ZNF106: variants seen among roughly 807,000 people sequenced by gnomAD.
ZNF106 encodes the protein zinc finger protein 106.
Under a neutral mutation model 195.1 loss-of-function variants are expected in ZNF106, and 67 were observed. The observed-to-expected ratio is 0.34, with a 90% CI of 0.28 to 0.42. The LOEUF is 0.42. Among genes scored for constraint, ZNF106 ranks in the 10% least tolerant of loss-of-function variants. The pLI, the probability that ZNF106 is intolerant of heterozygous loss-of-function variation, is 1.00. For synonymous variants in ZNF106, 784 were observed against 818.6 expected (o/e 0.96, Z 0.72); for missense variants, 2,118 against 2,304.5 (o/e 0.92, Z 1.66).
intron 10 of ZNF106, among the ~76,000 whole-genome samples, chr15:42,440,775 G>T (rs1409554966): frequency 6.6e-6 from 1 of 151,220 alleles, no homozygotes; most frequent in Non-Finnish European, 1.5e-5. Flanking sequence ...TTGAGGTCAG[G>T]AGTTCAAGAC....
Position 42,450,817 on chromosome 15 carries a change from T to C in ZNF106, c.1455A>G (p.Ser485=), listed in dbSNP as rs1367009851. The C allele has an allele frequency of 4.3e-6, 7 of 1,614,186 alleles. No individual in the cohort carries two copies. Among genetic ancestry groups the C allele is most frequent in the Non-Finnish European group, 5.9e-6 (7 of 1,180,042 alleles). The change falls in exon 5 of 22, where the codon TCA becomes TCG. Residue 485 remains serine (S), a synonymous_variant. Transcript: ENST00000564754. Reference sequence around the variant, plus strand: ...TCTTTGGATCTTGCTTTTGAGACAATGATTTAGTGGCTGGACATGGAAGGA... The same window carrying C: ...TCTTTGGATCTTGCTTTTGAGACAACGATTTAGTGGCTGGACATGGAAGGA... ...SPLLPCPATK[S]LSQKQDPKNI...
chr15:42,424,126 T>C, intron 16 of ZNF106, 66 bp from the exon 17 acceptor site: 1 of 1,373,496 alleles, frequency 7.3e-7, no homozygotes, highest in Non-Finnish European at 1.0e-6. Flanking sequence ...TAACTTGTAA[T>C]ACACATTGGC....
At chr15:42,433,251 G>T (rs920915121) in intron 14 of ZNF106, among the ~76,000 whole-genome samples, 1 of 151,526 alleles carries the variant, frequency 6.6e-6, no homozygotes, top group Non-Finnish European at 1.5e-5. Flanking sequence ...GACTACAGGC[G>T]CCTGCCACCA....
chr15:42,439,588 C>G lies in ZNF106; in HGVS notation c.3989G>C (p.Cys1330Ser). ...AGACAATCTTAGAAAAGAACTGGTA[C>G]AGGCTTCAGACCCACTATTGCCTTT... ...PTKGNSGSEA[C>S]TSSFLRLSFA... Residue 1330 changes from cysteine to serine, a missense_variant, in exon 11 of 22, where the codon TGT (cysteine) becomes TCT (serine). By Grantham distance (112) the Cys-to-Ser change is moderately radical. Coordinates refer to ENST00000564754, the MANE Select transcript of ZNF106 (RefSeq NM_001366845.3). 1 of 1,614,198 alleles carries G rather than the reference C, an allele frequency of 6.2e-7. No individual in the cohort carries two copies. Among genetic ancestry groups the G allele is most frequent in the African/African-American group, 1.3e-5 (1 of 75,052 alleles).
intron 14 of ZNF106, among the ~76,000 whole-genome samples, chr15:42,431,192 TGTC>T (rs1485156837): frequency 3.9e-5 from 6 of 152,010 alleles, no homozygotes; most frequent in Admixed American, 6.6e-5. Context: ...TTCTAATAAA[TGTC>T]ATTGTGGTTA....
rs754168534 is a variant in ZNF106 at position 42,415,496 on chromosome 15, C to T, written c.*1808G>A. 4.6e-5 allele frequency: 21 copies of T among 455,394 alleles called. No individual in the cohort carries two copies. Among genetic ancestry groups the T allele is most frequent in the South Asian group, 3.3e-4 (21 of 64,444 alleles). 28.2% of individuals were successfully genotyped at this position (455,394 alleles called of 1,614,324 possible). A position where few individuals can be genotyped will look rare whatever the true frequency, so the allele number is the denominator to read the frequency against. On this transcript the variant is annotated 3_prime_UTR_variant, in exon 22 of 22. Transcript: ENST00000564754. Reference sequence around the variant, plus strand: ...CCTTTCCTGGAAAAAAGAACACATACTCAGTCTCACACACAATTTCTGGGG... The same window carrying T: ...CCTTTCCTGGAAAAAAGAACACATATTCAGTCTCACACACAATTTCTGGGG...
intron 1 of ZNF106, among the ~76,000 whole-genome samples, chr15:42,478,198 C>G (rs2056825071): frequency 6.6e-6 from 1 of 152,164 alleles, no homozygotes; most frequent in Admixed American, 6.6e-5. Flanking sequence ...GAGTCTCACT[C>G]TGTTGTCCAG....
At chr15:42,435,648 T>C (rs2055246788) in intron 13 of ZNF106, 130 bp from the exon 14 acceptor site, 2 of 1,082,712 alleles carry the variant, frequency 1.8e-6, no homozygotes, top group Admixed American at 4.4e-5. Flanking sequence ...CAGCACCTGG[T>C]ACACAAAAGA....
At chr15:42,440,381 A>G (rs1172760508) in intron 10 of ZNF106, among the ~76,000 whole-genome samples, 1 of 152,070 alleles carries the variant, frequency 6.6e-6, no homozygotes, top group East Asian at 1.9e-4. Flanking sequence ...TAAATATTCA[A>G]AAAAGATTCA....
intron 1 of ZNF106, among the ~76,000 whole-genome samples, chr15:42,486,788 T>TTTTA (rs148046179): frequency 1.2e-3 from 177 of 151,740 alleles, no homozygotes; most frequent in South Asian, 5.2e-3. Context: ...TGAGGACTTG[T>TTTTA]TATATATATA....
At chr15:42,421,776 G>A (rs1296384082) in intron 19 of ZNF106, 141 bp downstream of exon 19, 1 of 552,086 alleles carries the variant, frequency 1.8e-6, no homozygotes. Context: ...CTGTCCCCTG[G>A]TTACTTCCCT....
intron 2 of ZNF106, among the ~76,000 whole-genome samples, chr15:42,466,679 A>G (rs964537935): frequency 2.6e-5 from 4 of 152,234 alleles, no homozygotes; most frequent in South Asian, 2.1e-4. Context: ...TTAAAAAAAT[A>G]CTTTGAACAT....
chr15:42,451,112 A>C lies in ZNF106; in HGVS notation c.1160T>G (p.Leu387Trp). The C allele has an allele frequency of 6.2e-7, 1 of 1,614,206 alleles. No homozygotes were observed. The highest frequency in any genetic ancestry group is 8.5e-7 in the Non-Finnish European group (1 of 1,180,038). ...SQKTLDLQSGLKDITGNKSEM... is the reference protein window; with the variant it reads ...SQKTLDLQSGWKDITGNKSEM... ...TGACTTGTTACCAGTGATGTCTTTC[A>C]ATCCCGACTGTAAATCCAGAGTCTT... Residue 387 changes from leucine to tryptophan, a missense_variant, in exon 5 of 22, where the codon TTG becomes TGG. By Grantham distance (61) the Leu-to-Trp change is moderately conservative. Coordinates refer to ENST00000564754, the MANE Select transcript of ZNF106 (RefSeq NM_001366845.3).
rs1459489883 is a variant in ZNF106, at chr15:42,469,365, CA to C, written c.54+2870del. On this transcript the variant is annotated intron_variant, in intron 2 of 21. Transcript: ENST00000564754. ...CATTCACTGAAATGGGTTTGTCTGA[CA>C]AAAAAACTGATTCTTCTTACTATAA... is the stretch of plus-strand genomic sequence containing the variant. 2.0e-5 allele frequency among the ~76,000 whole-genome samples: 3 copies of C among 152,114 alleles called. No homozygotes were observed. The South Asian group carries it at 6.2e-4, about 32-fold the overall frequency.
intron 1 of ZNF106, among the ~76,000 whole-genome samples, chr15:42,485,294 C>T (rs1432970311): frequency 6.6e-6 from 1 of 152,144 alleles, no homozygotes; most frequent in Non-Finnish European, 1.5e-5. Context: ...TGTGTTCTCA[C>T]CACAAAAACT....
rs747415010 is a variant in ZNF106 at position 42,444,185 on chromosome 15, A to G, written c.3421+17T>C. ...CACGCTATAGAGGGCCCAATCCATC[A>G]GATGCCCTCTGAATACCTTGTAATC... On this transcript the variant is annotated intron_variant, in intron 9 of 21. Transcript: ENST00000564754. 5 of 1,583,430 alleles carry G rather than the reference A, an allele frequency of 3.2e-6. No homozygotes were observed. The Admixed American group carries it at 8.6e-5, about 27-fold the overall frequency.
At position 42,448,374 on chromosome 15, in the gene ZNF106, G is replaced by A. The variant is rs746948628; in HGVS notation, c.2833C>T (p.Arg945Ter). Residue 945 changes from arginine (R) to a stop codon, truncating the protein, a stop_gained, in exon 6 of 22, where the codon CGA becomes TGA. Coordinates refer to ENST00000564754, the MANE Select transcript of ZNF106 (RefSeq NM_001366845.3). LOFTEE classifies it high-confidence loss of function. ...ACATTTTCAGCCCTTTCACCTGTTCGGAGGGAGGCAGCCCGAGGTGTCACT... is the reference window on the plus strand; with the variant it reads ...ACATTTTCAGCCCTTTCACCTGTTCAGAGGGAGGCAGCCCGAGGTGTCACT... ...QEVTPRAASL[R>*]TGERAENVAT... The A allele has an allele frequency of 3.1e-6, 5 of 1,614,128 alleles. No homozygotes were observed. The highest frequency in any genetic ancestry group is 2.2e-5 in the East Asian group (1 of 44,878).
intron 1 of ZNF106, among the ~76,000 whole-genome samples, chr15:42,485,860 T>C (rs1366307689): frequency 6.6e-6 from 1 of 152,244 alleles, no homozygotes; most frequent in African/African-American, 2.4e-5. Context: ...ATTTTCACTT[T>C]GGAAATATTT....
intron 2 of ZNF106, among the ~76,000 whole-genome samples, chr15:42,466,642 A>G (rs752954453): frequency 1.1e-4 from 16 of 152,238 alleles, no homozygotes; most frequent in South Asian, 6.2e-4. Context: ...AACATAACAG[A>G]GCCTCTCTAT....
Sources: allele counts gnomAD v4.1 joint callset (sites outside exome capture counted in the v4.1 genomes callset), GRCh38; gene constraint gnomAD v4.1.1; transcripts MANE v1.5; gene names NCBI Gene and HGNC (gene_info 2026-07-23, HGNC 2026-07-21).